The following IL1RAPL1 variants were observed in gnomAD, a reference collection of about 807,000 sequenced individuals.
IL1RAPL1 encodes the protein interleukin-1 receptor accessory protein-like 1.
IL1RAPL1 carries 3 observed loss-of-function variants against 48.4 expected under a neutral mutation model. That is an observed-to-expected ratio of 0.06 (90% CI 0.03 to 0.16). The LOEUF is 0.16. Ranked by LOEUF, IL1RAPL1 falls within the 10% of genes least tolerant of loss-of-function variation. The pLI is 1.00. For synonymous variants in IL1RAPL1, 185 were observed against 187.7 expected (o/e 0.99, Z 0.12); for missense variants, 349 against 530.6 (o/e 0.66, Z 3.36).
At chrX:29,413,566 C>T in intron 5 of IL1RAPL1, among the ~76,000 whole-genome samples, 1 of 98,723 alleles carries the variant, frequency 1.0e-5, no homozygotes, top group African/African-American at 3.8e-5. Context: ...CATGTGTTCT[C>T]GTTGTTCAGT....
chrX:29,858,025 C>T lies in IL1RAPL1; in HGVS notation c.779-59439C>T, dbSNP rs186614756. ...AAGAAAAGGGGGAGATCAGAATGTT[C>T]TTCTTGTACTTGCTGTTTTCCAAGT... is the stretch of plus-strand genomic sequence containing the variant. On this transcript the variant is annotated intron_variant, in intron 6 of 10. Transcript: ENST00000378993. 1.1e-3 allele frequency among the ~76,000 whole-genome samples: 118 copies of T among 111,896 alleles called. 1 individual carries two copies. The highest frequency in any genetic ancestry group is 8.5e-4 in the Non-Finnish European group (45 of 53,113).
At position 28,893,179 on chromosome X, in the gene IL1RAPL1, C is replaced by T. The variant is rs183363888; in HGVS notation, c.82+103754C>T. 9.5e-4 allele frequency among the ~76,000 whole-genome samples: 105 copies of T among 110,910 alleles called. 2 individuals are homozygous for T. The highest frequency in any genetic ancestry group is 3.0e-4 in the Non-Finnish European group (16 of 52,917). ...CTGGTGTCTGGAATGAGACTGGGGCCGAATAAAAAGGAGCGTCTATACAGG... is the reference window on the plus strand; with the variant it reads ...CTGGTGTCTGGAATGAGACTGGGGCTGAATAAAAAGGAGCGTCTATACAGG... On this transcript the variant is annotated intron_variant, in intron 2 of 10. Coordinates refer to ENST00000378993, the MANE Select transcript of IL1RAPL1 (RefSeq NM_014271.4).
chrX:29,674,713 T>C (rs1207916452), intron 6 of IL1RAPL1, among the ~76,000 whole-genome samples: 1 of 111,696 alleles, frequency 9.0e-6, no homozygotes, highest in East Asian at 2.8e-4. Context: ...TCTCTCTCTC[T>C]CCTCCCACCT....
intron 5 of IL1RAPL1, among the ~76,000 whole-genome samples, chrX:29,418,366 T>A (rs1249512899): frequency 1.8e-5 from 2 of 108,475 alleles, no homozygotes; most frequent in Admixed American, 2.0e-4. Context: ...GACCTCCTGA[T>A]CTGCCCACCT....
In IL1RAPL1 at chrX:29,108,937, A is replaced by G. The variant is rs768469484; in HGVS notation, c.83-174001A>G. On this transcript the variant is annotated intron_variant, in intron 2 of 10. Transcript: ENST00000378993. ...CTTCAGAAATTAAAAATAATAGACC[A>G]GTTTTCCAGAGTAAGACATCTTTTT... is the stretch of plus-strand genomic sequence containing the variant. Among the ~76,000 whole-genome samples, 4 of 111,299 alleles carry G rather than the reference A, an allele frequency of 3.6e-5. No individual in the cohort carries two copies. The Admixed American group carries it at 3.9e-4, about 11-fold the overall frequency.
At chrX:29,254,059 C>T (rs1009584015) in intron 2 of IL1RAPL1, among the ~76,000 whole-genome samples, 1 of 111,176 alleles carries the variant, frequency 9.0e-6, no homozygotes, top group Non-Finnish European at 1.9e-5. Context: ...TATAATTGAG[C>T]TTAGACTGGA....
At chrX:29,345,285 C>G (rs1933136530) in intron 3 of IL1RAPL1, among the ~76,000 whole-genome samples, 1 of 111,679 alleles carries the variant, frequency 9.0e-6, no homozygotes, top group Non-Finnish European at 1.9e-5. Flanking sequence ...TTTATTTTCT[C>G]ACCAGTAGGA....
chrX:28,697,768 T>C (rs1041408404), intron 1 of IL1RAPL1, among the ~76,000 whole-genome samples: 1 of 111,264 alleles, frequency 9.0e-6, no homozygotes, highest in Non-Finnish European at 1.9e-5. Context: ...GAAAGAAGCA[T>C]AGGGGTGGGG....
chrX:29,718,916 G>A (rs1458111595), intron 6 of IL1RAPL1, among the ~76,000 whole-genome samples: 1 of 112,033 alleles, frequency 8.9e-6, no homozygotes, highest in Non-Finnish European at 1.9e-5. Context: ...GACTTGGAAT[G>A]TGCCCTGAAG....
rs1934845676 is a variant in IL1RAPL1, at chrX:28,663,738, A to G, written c.-25+75691A>G. ...ACATAGCGATCTATTGGCCCCATATACAAATATAATCAAATGATTTGTGTC... is the reference window on the plus strand; with the variant it reads ...ACATAGCGATCTATTGGCCCCATATGCAAATATAATCAAATGATTTGTGTC... On this transcript the variant is annotated intron_variant, in intron 1 of 10. Transcript: ENST00000378993. Among the ~76,000 whole-genome samples the G allele has an allele frequency of 4.7e-5, 5 of 106,044 alleles. No individual in the cohort carries two copies. In the Admixed American group the frequency reaches 5.1e-4, roughly 11 times the overall value. The allele number at this position is 106,044 out of a possible 115,157, so 92.1% of individuals were successfully genotyped here.
At chrX:28,910,668 T>C (rs1923337478) in intron 2 of IL1RAPL1, among the ~76,000 whole-genome samples, 1 of 109,752 alleles carries the variant, frequency 9.1e-6, no homozygotes, top group African/African-American at 3.3e-5. Flanking sequence ...CCCTAGGAAT[T>C]CTAAGATAGA....
At chrX:29,930,436 G>A (rs764790244) in intron 8 of IL1RAPL1, among the ~76,000 whole-genome samples, 25 of 111,914 alleles carry the variant, frequency 2.2e-4, no homozygotes, top group African/African-American at 8.1e-4. Flanking sequence ...CTATTTTGTA[G>A]TACTAGTATT....
intron 3 of IL1RAPL1, among the ~76,000 whole-genome samples, chrX:29,367,720 A>G (rs1210872067): frequency 1.8e-5 from 2 of 108,765 alleles, no homozygotes; most frequent in African/African-American, 6.7e-5. Flanking sequence ...AGCTGGGACT[A>G]CAGGCGCACG....
intron 1 of IL1RAPL1, among the ~76,000 whole-genome samples, chrX:28,597,997 C>T (rs1396918017): frequency 1.8e-5 from 2 of 110,775 alleles, no homozygotes; most frequent in Non-Finnish European, 3.8e-5. Context: ...AGCAAAGTGA[C>T]TCTAAAGTGA....
intron 2 of IL1RAPL1, among the ~76,000 whole-genome samples, chrX:29,266,009 C>T (rs993229616): frequency 1.8e-5 from 2 of 111,139 alleles, no homozygotes; most frequent in South Asian, 7.8e-4. Flanking sequence ...CACTTTTACA[C>T]TGTTGGTGGG....
chrX:29,201,406 G>T, intron 2 of IL1RAPL1, among the ~76,000 whole-genome samples: 1 of 109,656 alleles, frequency 9.1e-6, no homozygotes, highest in African/African-American at 3.3e-5. Context: ...AGTTTTTATA[G>T]TCATTGTAAC....
intron 5 of IL1RAPL1, among the ~76,000 whole-genome samples, chrX:29,637,554 A>G (rs776527886): frequency 1.3e-3 from 145 of 111,606 alleles, no homozygotes; most frequent in Non-Finnish European, 1.9e-3. Flanking sequence ...ATTTTTTTGT[A>G]TAGTGATTTT....
intron 1 of IL1RAPL1, among the ~76,000 whole-genome samples, chrX:28,649,429 T>A (rs1934658337): frequency 8.9e-6 from 1 of 112,264 alleles, no homozygotes; most frequent in African/African-American, 3.2e-5. Flanking sequence ...AAAACCCAGT[T>A]ACATTCTAAA....
At chrX:29,817,094 C>T (rs973255465) in intron 6 of IL1RAPL1, among the ~76,000 whole-genome samples, 4 of 111,230 alleles carry the variant, frequency 3.6e-5, no homozygotes, top group Non-Finnish European at 7.5e-5. Flanking sequence ...TCTAATCAGA[C>T]ATTTCAATTC....
Sources: gnomAD v4.1 joint callset for allele counts (sites outside exome capture counted in the v4.1 genomes callset) on GRCh38, gnomAD v4.1.1 for gene constraint, MANE v1.5 for transcripts, NCBI Gene and HGNC (gene_info 2026-07-23, HGNC 2026-07-21) for gene names.